The following KCNC2 variants were observed in gnomAD, a reference collection of about 807,000 sequenced individuals.
The protein encoded by KCNC2 is voltage-gated potassium channel KCNC2.
A neutral mutation model predicts 44.5 loss-of-function variants in KCNC2; 21 were observed. That is an observed-to-expected ratio of 0.47 (90% confidence interval 0.33 to 0.68). The LOEUF is 0.68. KCNC2 is among the 30% of genes least tolerant of loss of function. The pLI is 0.01. For synonymous variants in KCNC2, 391 were observed against 339.1 expected (o/e 1.15, Z -1.68); for missense variants, 589 against 826.2 (o/e 0.71, Z 3.52).
intron 2 of KCNC2, among the ~76,000 whole-genome samples, chr12:75,155,003 G>A (rs1305542890): frequency 2.0e-5 from 3 of 151,772 alleles, no homozygotes; most frequent in South Asian, 4.2e-4. Flanking sequence ...CTGATATACT[G>A]TGCTACCTGC....
intron 2 of KCNC2, among the ~76,000 whole-genome samples, chr12:75,083,831 C>T (rs1884717014): frequency 6.6e-6 from 1 of 151,708 alleles, no homozygotes; most frequent in Admixed American, 6.6e-5. Flanking sequence ...TTTTCTTACT[C>T]CTTTATAAAG....
chr12:75,051,374 G>C (rs1881153626), intron 2 of KCNC2, 57 bp from the exon 3 acceptor site: 3 of 970,448 alleles, frequency 3.1e-6, no homozygotes, highest in Non-Finnish European at 4.5e-6. Flanking sequence ...AATATATGTT[G>C]ATTCTAATCT....
At chr12:75,084,269 T>TAGATAGATAGA (rs1555207730) in intron 2 of KCNC2, among the ~76,000 whole-genome samples, 61 of 120,878 alleles carry the variant, frequency 5.0e-4, no homozygotes, top group African/African-American at 2.2e-3. Flanking sequence ...GATAGATAGA[T>TAGATAGATAGA]TAGATAGATA....
chr12:75,043,932 C>T (rs1221263341), intron 4 of KCNC2: 19 of 549,650 alleles, frequency 3.5e-5, no homozygotes, highest in East Asian at 1.2e-4. Context: ...TTTCCACCCC[C>T]GACCTTCCCA....
chr12:75,043,180 G>C lies in KCNC2; in HGVS notation c.1842C>G (p.Leu614=). Reference sequence around the variant, plus strand: ...AGTTGTAGGGTGATGTTACTGGAGAGAGCCTCAGAGCATTGCCTGCCAAGC... The same window carrying C: ...AGTTGTAGGGTGATGTTACTGGAGACAGCCTCAGAGCATTGCCTGCCAAGC... ...IAGLAGNALR[L]SPVTSPYNSP... The change falls in exon 5 of 5, where the codon CTC becomes CTG. Residue 614 remains leucine, a synonymous_variant. Transcript: ENST00000549446. 1.2e-6 allele frequency: 2 copies of C among 1,612,514 alleles called. 1 individual carries two copies. Among genetic ancestry groups the C allele is most frequent in the South Asian group, 2.2e-5 (2 of 91,048 alleles).
intron 2 of KCNC2, among the ~76,000 whole-genome samples, chr12:75,103,854 A>C (rs916088045): frequency 6.6e-6 from 1 of 152,202 alleles, no homozygotes; most frequent in African/African-American, 2.4e-5. Context: ...CTGTAATAAA[A>C]GCTATGTGAA....
At position 75,124,217 on chromosome 12, in the gene KCNC2, G is replaced by C. The variant is rs1308873124; in HGVS notation, c.688-72900C>G. On this transcript the variant is annotated intron_variant, in intron 2 of 4. Transcript: ENST00000549446. ...GAAGAACAGACATATGATTAATCTA[G>C]GGGATTTGTTCACCCCTAAACACCT... 2.6e-5 allele frequency: 4 copies of C among 152,206 alleles called. No individual in the cohort carries two copies. The East Asian group carries it at 7.7e-4, about 29-fold the overall frequency. 9.4% of individuals were successfully genotyped at this position (152,206 alleles called of 1,614,324 possible).
intron 2 of KCNC2, among the ~76,000 whole-genome samples, chr12:75,079,164 T>C (rs1884259442): frequency 6.6e-6 from 1 of 152,062 alleles, no homozygotes; most frequent in Non-Finnish European, 1.5e-5. Context: ...GTGTTATTAG[T>C]AAGAGAACAT....
chr12:75,056,379 T>G (rs1017152684), intron 2 of KCNC2, among the ~76,000 whole-genome samples: 2 of 152,038 alleles, frequency 1.3e-5, no homozygotes, highest in Non-Finnish European at 2.9e-5. Context: ...AATTTAATAT[T>G]TGAAAATTAA....
chr12:75,153,426 T>A (rs1366441712), intron 2 of KCNC2, among the ~76,000 whole-genome samples: 4 of 151,572 alleles, frequency 2.6e-5, no homozygotes, highest in Admixed American at 2.0e-4. Flanking sequence ...TGTGTACACA[T>A]GGATAGAGAG....
At chr12:75,047,680 A>C (rs1036271409) in intron 4 of KCNC2, among the ~76,000 whole-genome samples, 5 of 152,006 alleles carry the variant, frequency 3.3e-5, no homozygotes, top group African/African-American at 1.2e-4. Context: ...AAAACTACCT[A>C]TGTACTGGAT....
chr12:75,135,585 C>T (rs565246434), intron 2 of KCNC2, among the ~76,000 whole-genome samples: 12 of 151,932 alleles, frequency 7.9e-5, no homozygotes, highest in East Asian at 3.9e-4. Flanking sequence ...TTGATGTTAC[C>T]GCAAAATCTG....
intron 2 of KCNC2, among the ~76,000 whole-genome samples, chr12:75,165,234 T>C (rs1891369887): frequency 6.6e-6 from 1 of 151,610 alleles, no homozygotes; most frequent in Non-Finnish European, 1.5e-5. Context: ...TGCATAACTT[T>C]ATGTAAATAC....
intron 2 of KCNC2, among the ~76,000 whole-genome samples, chr12:75,054,666 G>A (rs1426340910): frequency 2.0e-5 from 3 of 152,056 alleles, no homozygotes; most frequent in African/African-American, 4.8e-5. Context: ...CATGGGAGGC[G>A]GGATATGTTA....
intron 2 of KCNC2, among the ~76,000 whole-genome samples, chr12:75,054,576 A>G (rs1881538647): frequency 6.6e-6 from 1 of 152,194 alleles, no homozygotes. Context: ...GCTATTTTAT[A>G]AAATGAGCTT....
intron 2 of KCNC2, among the ~76,000 whole-genome samples, chr12:75,136,549 G>A (rs1347903104): frequency 6.6e-6 from 1 of 151,918 alleles, no homozygotes; most frequent in Non-Finnish European, 1.5e-5. Context: ...GAACAACTAC[G>A]CTCACCAGCT....
At chr12:75,182,822 C>T (rs998903080) in intron 2 of KCNC2, among the ~76,000 whole-genome samples, 2 of 152,218 alleles carry the variant, frequency 1.3e-5, no homozygotes, top group Non-Finnish European at 2.9e-5. Flanking sequence ...TAAACAGCCT[C>T]ACCTCACTTC....
chr12:75,116,890 C>T (rs1237906127), intron 2 of KCNC2, among the ~76,000 whole-genome samples: 2 of 152,272 alleles, frequency 1.3e-5, no homozygotes, highest in Admixed American at 6.5e-5. Context: ...AACAGCTTTG[C>T]GTTCATCATC....
chr12:75,090,743 A>G (rs1885405506), intron 2 of KCNC2, among the ~76,000 whole-genome samples: 1 of 151,582 alleles, frequency 6.6e-6, no homozygotes, highest in Non-Finnish European at 1.5e-5. Context: ...ATTATAATTA[A>G]AGCATGTAGC....
Sources: allele counts gnomAD v4.1 joint callset (sites outside exome capture counted in the v4.1 genomes callset), GRCh38; gene constraint gnomAD v4.1.1; transcripts MANE v1.5; gene names NCBI Gene and HGNC (gene_info 2026-07-23, HGNC 2026-07-21).